Variants in RGS8 observed in about 807,000 individuals in gnomAD.
RGS8 encodes regulator of G-protein signaling 8.
RGS8 carries 8 observed loss-of-function variants against 21.7 expected under a neutral mutation model. The ratio of observed to expected loss-of-function variants is 0.37; its 90% CI spans 0.22 to 0.66. RGS8 has a LOEUF of 0.66. Among genes scored for constraint, RGS8 ranks in the 30% least tolerant of loss-of-function variants. The pLI is 0.59. For missense variants in RGS8, 157 were observed against 217.9 expected (o/e 0.72, Z 1.76); for synonymous variants, 80 against 83.6 (o/e 0.96, Z 0.24).
intron 3 of RGS8, 91 bp from the exon 5 acceptor site, chr1:182,667,064 A>G: frequency 2.0e-6 from 2 of 1,014,610 alleles, no homozygotes; most frequent in South Asian, 1.3e-5. Flanking sequence ...CTGCTACGGG[A>G]GCCAGCACTG....
At chr1:182,732,522 C>T in the RGS8 span, among the ~76,000 whole-genome samples, 1 of 152,154 alleles carries the variant, frequency 6.6e-6, no homozygotes, top group Non-Finnish European at 1.5e-5. Context: ...CTCCTGCTAG[C>T]CAATGTTAAC....
chr1:182,739,777 C>T, the RGS8 span, among the ~76,000 whole-genome samples: 1 of 152,096 alleles, frequency 6.6e-6, no homozygotes, highest in South Asian at 2.1e-4. Flanking sequence ...AGCCCTTGCG[C>T]CAGCAGTTAC....
the RGS8 span, among the ~76,000 whole-genome samples, chr1:182,741,901 C>G: frequency 4.5e-3 from 643 of 142,044 alleles, 17 homozygotes; most frequent in African/African-American, 0.016. Flanking sequence ...ACCTCCCTCC[C>G]GGAGGAGGTG....
the RGS8 span, among the ~76,000 whole-genome samples, chr1:182,709,139 T>C: frequency 5.9e-5 from 9 of 152,186 alleles, no homozygotes; most frequent in Admixed American, 3.9e-4. Context: ...TTTTGTTTTA[T>C]CCCCATTAGA....
At chr1:182,721,818 T>C in the RGS8 span, among the ~76,000 whole-genome samples, 1 of 152,116 alleles carries the variant, frequency 6.6e-6, no homozygotes, top group Non-Finnish European at 1.5e-5. Context: ...AGAGGAGAAA[T>C]GAAGTTTGAA....
chr1:182,658,049 T>C (rs769761084), intron 5 of RGS8, among the ~76,000 whole-genome samples: 4 of 152,220 alleles, frequency 2.6e-5, no homozygotes, highest in Non-Finnish European at 4.4e-5. Context: ...AAGAAAATTA[T>C]AATTTTTTGA....
At chr1:182,711,341 T>C in the RGS8 span, among the ~76,000 whole-genome samples, 428 of 152,300 alleles carry the variant, frequency 2.8e-3, 1 homozygote, top group Non-Finnish European at 5.0e-3. Context: ...TACCAATCCA[T>C]TGTCTATCAT....
upstream of RGS8, among the ~76,000 whole-genome samples, chr1:182,685,091 CAA>C (rs34359463): frequency 6.7e-3 from 912 of 136,946 alleles, 3 homozygotes; most frequent in African/African-American, 0.013. Flanking sequence ...CTCAAAGAGG[CAA>C]AAAAAAAAAA....
At chr1:182,720,029 A>G in the RGS8 span, among the ~76,000 whole-genome samples, 1 of 152,334 alleles carries the variant, frequency 6.6e-6, no homozygotes, top group African/African-American at 2.4e-5. Flanking sequence ...CTTCAGAAAT[A>G]TGTTTAGATG....
intron 5 of RGS8, among the ~76,000 whole-genome samples, chr1:182,649,905 CTT>C (rs920729497): frequency 4.7e-4 from 60 of 128,412 alleles, no homozygotes; most frequent in Admixed American, 7.1e-4. Flanking sequence ...GTTAACAACT[CTT>C]TTTTTTTTTT....
At chr1:182,693,153 G>A in the RGS8 span, among the ~76,000 whole-genome samples, 45 of 152,142 alleles carry the variant, frequency 3.0e-4, no homozygotes, top group Non-Finnish European at 5.1e-4. Context: ...AGCTTCTACA[G>A]AGCAAAAGCA....
At chr1:182,703,181 A>G in the RGS8 span, among the ~76,000 whole-genome samples, 2 of 152,200 alleles carry the variant, frequency 1.3e-5, no homozygotes, top group Non-Finnish European at 1.5e-5. Flanking sequence ...CTTACCCTCT[A>G]CAAATTCCCT....
chr1:182,743,744 G>T, the RGS8 span, among the ~76,000 whole-genome samples: 5 of 152,138 alleles, frequency 3.3e-5, no homozygotes, highest in Admixed American at 3.3e-4. Context: ...ATTCCCCATG[G>T]AGGGCCTCTC....
At chr1:182,749,120 C>T in the RGS8 span, among the ~76,000 whole-genome samples, 1 of 152,164 alleles carries the variant, frequency 6.6e-6, no homozygotes, top group Admixed American at 6.5e-5. Flanking sequence ...TCTACTTTTA[C>T]ATTTGTTGTC....
At chr1:182,651,105 C>A (rs940688544) in intron 5 of RGS8, among the ~76,000 whole-genome samples, 1 of 152,110 alleles carries the variant, frequency 6.6e-6, no homozygotes, top group Non-Finnish European at 1.5e-5. Context: ...GAATAGAAAC[C>A]CGAGATAAAC....
At chr1:182,680,073 C>T (rs909119556) in intron 1 of RGS8, among the ~76,000 whole-genome samples, 1 of 152,146 alleles carries the variant, frequency 6.6e-6, no homozygotes, top group Non-Finnish European at 1.5e-5. Flanking sequence ...CCTTACGGTC[C>T]TGGTTCACGT....
Position 182,648,308 on chromosome 1 carries a change from G to A in RGS8, c.194-5C>T, listed in dbSNP as rs754448008. On this transcript the variant is annotated splice_region_variant and splice_polypyrimidine_tract_variant and intron_variant, in intron 5 of 6. Coordinates refer to ENST00000483095, the Ensembl canonical transcript of RGS8. ...CACGGAATGCAGCCACCCCATCTGC[G>A]GATGTGGGAGGAAGAAAAGAAGAGA... The A allele has an allele frequency of 1.1e-5, 18 of 1,610,762 alleles. No individual in the cohort carries two copies. Among genetic ancestry groups the A allele is most frequent in the Middle Eastern group, 1.7e-4 (1 of 6,034 alleles).
At chr1:182,650,721 T>C (rs1662970472) in intron 5 of RGS8, among the ~76,000 whole-genome samples, 1 of 152,142 alleles carries the variant, frequency 6.6e-6, no homozygotes, top group African/African-American at 2.4e-5. Flanking sequence ...ATTAGCCAGC[T>C]GTGGTGGCAT....
chr1:182,742,952 A>G, the RGS8 span, among the ~76,000 whole-genome samples: 1 of 152,206 alleles, frequency 6.6e-6, no homozygotes, highest in African/African-American at 2.4e-5. Flanking sequence ...GCTAAGGAAA[A>G]CTTATTCCTC....
Sources: allele counts gnomAD v4.1 joint callset (sites outside exome capture counted in the v4.1 genomes callset), GRCh38; gene constraint gnomAD v4.1.1; transcripts MANE v1.5; gene names NCBI Gene and HGNC (gene_info 2026-07-23, HGNC 2026-07-21).